NETO1: variants seen among roughly 807,000 people sequenced by gnomAD.
NETO1 encodes the protein neuropilin and tolloid-like protein 1.
A neutral mutation model predicts 61.3 loss-of-function variants in NETO1; 26 were observed. That is an observed-to-expected ratio of 0.42 (90% CI 0.31 to 0.59). The LOEUF (loss-of-function observed/expected upper bound fraction) is 0.59, where lower values mean the gene tolerates loss of function less well. NETO1 is among the 20% of genes least tolerant of loss of function. The pLI is 0.12. For synonymous variants in NETO1, 225 were observed against 225.8 expected (o/e 1.00, Z 0.03); for missense variants, 531 against 662.8 (o/e 0.80, Z 2.18).
intron 9 of NETO1, 104 bp downstream of exon 9, chr18:72,749,954 CATTA>C (rs2070536307): frequency 2.3e-6 from 2 of 858,050 alleles, no homozygotes; most frequent in African/African-American, 3.4e-5. Context: ...GGGTTTAAAT[CATTA>C]ATTAAAGGGA....
intron 4 of NETO1, among the ~76,000 whole-genome samples, chr18:72,799,836 C>A (rs2072448115): frequency 6.6e-6 from 1 of 152,228 alleles, no homozygotes; most frequent in South Asian, 2.1e-4. Context: ...GACAAATAGT[C>A]TCCCTGGCAA....
At chr18:72,770,038 C>A (rs139723426) in intron 7 of NETO1, among the ~76,000 whole-genome samples, 2 of 151,914 alleles carry the variant, frequency 1.3e-5, no homozygotes, top group Admixed American at 1.3e-4. Flanking sequence ...AGTGCATATG[C>A]TTTTATTTCA....
intron 7 of NETO1, among the ~76,000 whole-genome samples, chr18:72,777,603 C>T (rs192922941): frequency 0.025 from 3,714 of 149,816 alleles, 153 homozygotes; most frequent in African/African-American, 0.083. Context: ...ATTAGCAGGG[C>T]GTGGTGGCGG....
At chr18:72,812,705 G>A (rs560255814) in intron 4 of NETO1, among the ~76,000 whole-genome samples, 1 of 152,172 alleles carries the variant, frequency 6.6e-6, no homozygotes, top group Non-Finnish European at 1.5e-5. Flanking sequence ...GGTCTCTCTA[G>A]AATGTACCTC....
At position 72,865,217 on chromosome 18, in the gene NETO1, T is replaced by C. The variant is rs1481068057; in HGVS notation, c.53A>G (p.His18Arg). The C allele has an allele frequency of 6.2e-7, 1 of 1,613,222 alleles. No homozygotes were observed. The highest frequency in any genetic ancestry group is 8.5e-7 in the Non-Finnish European group (1 of 1,179,552). Residue 18 changes from histidine (H) to arginine (R), a missense_variant, in exon 2 of 11, where the codon CAT (histidine) becomes CGT (arginine). Physicochemically the swap from His to Arg is conservative, Grantham distance 29 (BLOSUM62 0). Transcript: ENST00000327305. The part of the protein sequence containing the change: ...LHIVASLIIL[H>R]LSGATKKGTE... ...TCCTTTCTTGGTTGCCCCAGACAAA[T>C]GGAGGATGATTAAACTTGCTACAAC...
At chr18:72,758,689 A>C (rs1248289454) in intron 7 of NETO1, among the ~76,000 whole-genome samples, 3 of 151,968 alleles carry the variant, frequency 2.0e-5, no homozygotes, top group East Asian at 3.9e-4. Context: ...TATAAAAATT[A>C]GCTGAGCATG....
intron 4 of NETO1, among the ~76,000 whole-genome samples, chr18:72,857,856 C>T (rs1437426765): frequency 6.6e-6 from 1 of 151,902 alleles, no homozygotes; most frequent in African/African-American, 2.4e-5. Flanking sequence ...TTTAACATAC[C>T]CCATGATGTC....
chr18:72,822,295 GC>G (rs2073223756), intron 4 of NETO1, among the ~76,000 whole-genome samples: 2 of 152,196 alleles, frequency 1.3e-5, no homozygotes, highest in South Asian at 4.1e-4. Flanking sequence ...AACAAGGTGG[GC>G]AGGTGGACTG....
intron 6 of NETO1, among the ~76,000 whole-genome samples, chr18:72,788,366 A>G (rs770204191): frequency 3.5e-4 from 54 of 152,278 alleles, no homozygotes; most frequent in Non-Finnish European, 6.3e-4. Context: ...CTGTCAGTAC[A>G]AAAGCCAAAT....
intron 7 of NETO1, among the ~76,000 whole-genome samples, chr18:72,757,546 T>C (rs1379201569): frequency 6.6e-6 from 1 of 152,256 alleles, no homozygotes; most frequent in East Asian, 1.9e-4. Context: ...TTTATGTTCC[T>C]GGTTAAAGAG....
At chr18:72,754,952 T>C (rs956446991) in intron 8 of NETO1, among the ~76,000 whole-genome samples, 1 of 152,196 alleles carries the variant, frequency 6.6e-6, no homozygotes, top group Non-Finnish European at 1.5e-5. Flanking sequence ...GCCATAGGCA[T>C]AACCTCCATA....
intron 7 of NETO1, among the ~76,000 whole-genome samples, chr18:72,767,531 A>T (rs2145160673): frequency 6.6e-6 from 1 of 152,350 alleles, no homozygotes. Context: ...TGGTCAAATT[A>T]CTTAAGAAAA....
intron 3 of NETO1, among the ~76,000 whole-genome samples, chr18:72,860,793 T>C (rs1427265448): frequency 6.6e-6 from 1 of 152,086 alleles, no homozygotes; most frequent in East Asian, 1.9e-4. Flanking sequence ...CTAACCATGT[T>C]TTATGCTTAA....
At chr18:72,749,473 AT>A (rs2070519907) in intron 9 of NETO1, among the ~76,000 whole-genome samples, 1 of 152,152 alleles carries the variant, frequency 6.6e-6, no homozygotes, top group African/African-American at 2.4e-5. Flanking sequence ...TGTTTCTACT[AT>A]TTCTTACAAC....
intron 6 of NETO1, among the ~76,000 whole-genome samples, chr18:72,789,630 G>C (rs1417692055): frequency 1.3e-5 from 2 of 152,070 alleles, no homozygotes; most frequent in Non-Finnish European, 2.9e-5. Flanking sequence ...TAATAGTTCT[G>C]TAGGTAGGAA....
chr18:72,793,148 T>C (rs562235218), intron 6 of NETO1, among the ~76,000 whole-genome samples: 1 of 152,188 alleles, frequency 6.6e-6, no homozygotes, highest in Non-Finnish European at 1.5e-5. Flanking sequence ...GGCAGAGTGC[T>C]TGCGACTTTA....
chr18:72,777,585 C>CA (rs10716435), intron 7 of NETO1, among the ~76,000 whole-genome samples: 2 of 151,182 alleles, frequency 1.3e-5, no homozygotes, highest in Non-Finnish European at 2.9e-5. Context: ...CTAAAAAATA[C>CA]AAAAAAAATT....
chr18:72,760,555 T>C (rs1377930102), intron 7 of NETO1, among the ~76,000 whole-genome samples: 1 of 152,152 alleles, frequency 6.6e-6, no homozygotes, highest in African/African-American at 2.4e-5. Context: ...TGTGCAGTGA[T>C]TAAGTCCCTT....
chr18:72,827,541 C>G (rs1052247310), intron 4 of NETO1, among the ~76,000 whole-genome samples: 27 of 152,002 alleles, frequency 1.8e-4, no homozygotes, highest in African/African-American at 6.3e-4. Flanking sequence ...ATGGCAAAAC[C>G]TCCTCTCTAC....
Sources: allele counts gnomAD v4.1 joint callset (sites outside exome capture counted in the v4.1 genomes callset), GRCh38; gene constraint gnomAD v4.1.1; transcripts MANE v1.5; gene names NCBI Gene and HGNC (gene_info 2026-07-23, HGNC 2026-07-21).